The following DIAPH3 variants were observed in gnomAD, a reference collection of about 807,000 sequenced individuals.
DIAPH3 encodes the protein diaphanous related formin 3.
A neutral mutation model predicts 144.3 loss-of-function variants in DIAPH3; 117 were observed. The observed-to-expected ratio is 0.81, with a 90% CI of 0.70 to 0.95. The LOEUF (loss-of-function observed/expected upper bound fraction) is 0.95, where lower values mean the gene tolerates loss of function less well. Ranked by LOEUF, DIAPH3 falls within the 40% of genes least tolerant of loss-of-function variation. The pLI, the probability that DIAPH3 is intolerant of heterozygous loss-of-function variation, is 0.00. For missense variants in DIAPH3, 1,421 were observed against 1,412.7 expected, an observed-to-expected ratio of 1.01 and a Z score of -0.09; for synonymous variants, 519 against 488.9, an observed-to-expected ratio of 1.06 and a Z score of -0.81.
chr13:60,060,949 AC>A (rs66727019), intron 4 of DIAPH3, among the ~76,000 whole-genome samples: 9,724 of 152,200 alleles, frequency 0.064, 463 homozygotes, highest in East Asian at 0.28. Context: ...TGTTATAATA[AC>A]CACTGAAACT....
At chr13:59,932,206 A>G (rs771224454) in intron 17 of DIAPH3, among the ~76,000 whole-genome samples, 1 of 152,112 alleles carries the variant, frequency 6.6e-6, no homozygotes, top group Non-Finnish European at 1.5e-5. Context: ...TACTTTTCTC[A>G]TCATTATCAG....
At chr13:60,120,338 T>C (rs146379623) in intron 2 of DIAPH3, among the ~76,000 whole-genome samples, 50 of 152,326 alleles carry the variant, frequency 3.3e-4, no homozygotes, top group African/African-American at 9.6e-4. Context: ...TTTTAGGCCA[T>C]AGACTTAACC....
chr13:59,799,012 C>A (rs927131431), intron 25 of DIAPH3, among the ~76,000 whole-genome samples: 2 of 151,968 alleles, frequency 1.3e-5, no homozygotes, highest in Non-Finnish European at 2.9e-5. Context: ...TCCTATGCAT[C>A]CTGCCTGGGG....
chr13:60,149,993 G>A (rs1951710879), intron 1 of DIAPH3, among the ~76,000 whole-genome samples: 1 of 151,944 alleles, frequency 6.6e-6, no homozygotes, highest in Non-Finnish European at 1.5e-5. Context: ...TACATTGTTG[G>A]ACTTTTTAAG....
chr13:59,861,564 A>T, intron 21 of DIAPH3, 28 bp from the exon 22 acceptor site: 3 of 1,602,504 alleles, frequency 1.9e-6, no homozygotes, highest in Non-Finnish European at 8.5e-7. Context: ...GAGAAAAAAC[A>T]CAGAGTCATA....
chr13:60,153,176 C>G (rs180841493), intron 1 of DIAPH3, among the ~76,000 whole-genome samples: 28 of 152,174 alleles, frequency 1.8e-4, no homozygotes, highest in Admixed American at 1.7e-3. Context: ...TTCACAAGCT[C>G]TTCCACTTAG....
chr13:59,937,092 G>A (rs1022261455), intron 17 of DIAPH3, among the ~76,000 whole-genome samples: 1 of 151,622 alleles, frequency 6.6e-6, no homozygotes, highest in Non-Finnish European at 1.5e-5. Flanking sequence ...GAAACCGGGA[G>A]GCAGAGCTTG....
chr13:60,001,177 T>C (rs1356565387), intron 9 of DIAPH3, among the ~76,000 whole-genome samples: 1 of 152,176 alleles, frequency 6.6e-6, no homozygotes, highest in East Asian at 1.9e-4. Context: ...AAAGATAATG[T>C]CTTTTAGAGC....
intron 22 of DIAPH3, among the ~76,000 whole-genome samples, chr13:59,852,641 C>A (rs2043043161): frequency 6.6e-6 from 1 of 152,166 alleles, no homozygotes; most frequent in Non-Finnish European, 1.5e-5. Context: ...GAGCTGTACA[C>A]TTATGATCCT....
chr13:59,822,895 A>G (rs1430529247), intron 24 of DIAPH3, among the ~76,000 whole-genome samples: 2 of 151,728 alleles, frequency 1.3e-5, no homozygotes, highest in Non-Finnish European at 2.9e-5. Context: ...CAAAGAACAT[A>G]CCATTTTATT....
chr13:59,841,487 TG>T (rs928802955), intron 22 of DIAPH3, among the ~76,000 whole-genome samples: 5 of 151,562 alleles, frequency 3.3e-5, no homozygotes, highest in Non-Finnish European at 7.4e-5. Context: ...CCAGCTAATA[TG>T]GAGGCTGAGG....
intron 18 of DIAPH3, among the ~76,000 whole-genome samples, chr13:59,922,083 C>T (rs1312760304): frequency 6.6e-6 from 1 of 151,962 alleles, no homozygotes; most frequent in Non-Finnish European, 1.5e-5. Flanking sequence ...TTATATATGA[C>T]AAACATACAG....
chr13:59,844,857 C>A (rs1366302709), intron 22 of DIAPH3, among the ~76,000 whole-genome samples: 2 of 152,102 alleles, frequency 1.3e-5, no homozygotes, highest in Non-Finnish European at 2.9e-5. Context: ...CCACAGAAGG[C>A]AAAAGGACCA....
At chr13:59,874,376 G>A (rs1380691250) in intron 21 of DIAPH3, among the ~76,000 whole-genome samples, 1 of 152,100 alleles carries the variant, frequency 6.6e-6, no homozygotes, top group Non-Finnish European at 1.5e-5. Context: ...GTTTGTTGCT[G>A]TTTCTATTGT....
chr13:60,070,449 A>G (rs2057160351), intron 4 of DIAPH3, among the ~76,000 whole-genome samples: 1 of 152,124 alleles, frequency 6.6e-6, no homozygotes, highest in African/African-American at 2.4e-5. Context: ...GGGTTTAAAA[A>G]AAAAAGTTGA....
intron 17 of DIAPH3, among the ~76,000 whole-genome samples, chr13:59,941,088 G>A (rs554410217): frequency 2.2e-4 from 34 of 152,222 alleles, no homozygotes; most frequent in Non-Finnish European, 4.1e-4. Flanking sequence ...TGAGCACTGA[G>A]TATAAAATTA....
rs1183973776 is a variant in DIAPH3 at position 59,970,047 on chromosome 13, ATGAG to A, written c.1967_1970del (p.Pro656LeufsTer3). 1.9e-6 allele frequency: 3 copies of A among 1,589,174 alleles called. No individual in the cohort carries two copies. Among genetic ancestry groups the A allele is most frequent in the Non-Finnish European group, 2.6e-6 (3 of 1,161,436 alleles). ...TCCAGAAACAGTTTTCAGTCATTTC[ATGAG>A]GTCTGATCTACAATCAGAGAGAAGA... is the stretch of plus-strand genomic sequence containing the variant. On this transcript the variant is annotated frameshift_variant, in exon 17 of 28. Coordinates refer to ENST00000400324, the MANE Select transcript of DIAPH3 (RefSeq NM_001042517.2). LOFTEE classifies it high-confidence loss of function.
intron 3 of DIAPH3, among the ~76,000 whole-genome samples, chr13:60,101,281 T>C (rs1411328768): frequency 6.6e-6 from 1 of 152,172 alleles, no homozygotes; most frequent in Non-Finnish European, 1.5e-5. Context: ...CTCATTCTTA[T>C]TTCCATATTA....
At chr13:59,877,806 T>C (rs1034849007) in intron 21 of DIAPH3, among the ~76,000 whole-genome samples, 20 of 151,880 alleles carry the variant, frequency 1.3e-4, no homozygotes, top group Non-Finnish European at 2.9e-4. Flanking sequence ...GCAAAGGTAG[T>C]AGGCCACTCA....
Sources: allele counts gnomAD v4.1 joint callset (sites outside exome capture counted in the v4.1 genomes callset), GRCh38; gene constraint gnomAD v4.1.1; transcripts MANE v1.5; gene names NCBI Gene and HGNC (gene_info 2026-07-23, HGNC 2026-07-21).